Variants in NRG3 observed in about 807,000 individuals in gnomAD.
NRG3 encodes pro-neuregulin-3, membrane-bound isoform.
Under a neutral mutation model 66.9 loss-of-function variants are expected in NRG3, and 31 were observed. The observed-to-expected ratio is 0.46, with a 90% confidence interval of 0.35 to 0.63. NRG3 has a LOEUF of 0.63. NRG3 is among the 20% of genes least tolerant of loss of function. The pLI is 0.00. For synonymous variants in NRG3, 393 were observed against 359.4 expected (o/e 1.09, Z -1.06); for missense variants, 910 against 878.9 (o/e 1.04, Z -0.45).
intron 3 of NRG3, among the ~76,000 whole-genome samples, chr10:82,820,270 G>A (rs75357291): frequency 0.01 from 1,593 of 152,262 alleles, 85 homozygotes; most frequent in Admixed American, 0.076. Flanking sequence ...GAATCTCTGT[G>A]GCTCATTATT....
chr10:82,908,252 A>C (rs1453997495), intron 4 of NRG3, among the ~76,000 whole-genome samples: 2 of 152,208 alleles, frequency 1.3e-5, no homozygotes, highest in African/African-American at 4.8e-5. Flanking sequence ...AGGAAGGAAC[A>C]AGTTTGCAAC....
chr10:82,436,648 T>A (rs1471133562), intron 2 of NRG3, among the ~76,000 whole-genome samples: 1 of 152,182 alleles, frequency 6.6e-6, no homozygotes, highest in African/African-American at 2.4e-5. Flanking sequence ...TTTTACATTT[T>A]GGTGTGTTTT....
chr10:82,882,462 A>G (rs1842388132), intron 4 of NRG3, among the ~76,000 whole-genome samples: 1 of 152,200 alleles, frequency 6.6e-6, no homozygotes, highest in Non-Finnish European at 1.5e-5. Context: ...TACACCTAAC[A>G]TGCAATGGCA....
At chr10:82,925,268 C>T (rs1408696553) in intron 4 of NRG3, among the ~76,000 whole-genome samples, 1 of 152,208 alleles carries the variant, frequency 6.6e-6, no homozygotes, top group Non-Finnish European at 1.5e-5. Context: ...TGTTTCTTTT[C>T]TAGCTATGCA....
chr10:82,629,648 A>G (rs578117527), intron 2 of NRG3, among the ~76,000 whole-genome samples: 119 of 152,340 alleles, frequency 7.8e-4, no homozygotes, highest in African/African-American at 2.9e-3. Context: ...TGAGTTAAAA[A>G]TTCCTTGAGC....
intron 1 of NRG3, among the ~76,000 whole-genome samples, chr10:82,199,881 TGTGTGTGC>T (rs1443307226): frequency 2.0e-4 from 19 of 93,318 alleles, no homozygotes; most frequent in East Asian, 5.0e-4. Flanking sequence ...TGCATGTGTG[TGTGTGTGC>T]GTGTGTGTGT....
At chr10:82,683,234 C>T (rs961930288) in intron 2 of NRG3, among the ~76,000 whole-genome samples, 4 of 152,050 alleles carry the variant, frequency 2.6e-5, no homozygotes, top group African/African-American at 9.7e-5. Flanking sequence ...GGATTACAGG[C>T]GTGAGCCACT....
chr10:82,037,014 A>T (rs1264748244), intron 1 of NRG3, among the ~76,000 whole-genome samples: 1 of 152,148 alleles, frequency 6.6e-6, no homozygotes, highest in Non-Finnish European at 1.5e-5. Context: ...TATAATCACC[A>T]ACATAGTTTC....
intron 2 of NRG3, among the ~76,000 whole-genome samples, chr10:82,533,956 T>C (rs1256558925): frequency 6.6e-6 from 1 of 152,170 alleles, no homozygotes; most frequent in Non-Finnish European, 1.5e-5. Flanking sequence ...TGCATTTCTA[T>C]AGACTAACAA....
chr10:81,996,423 A>G (rs1256087753), intron 1 of NRG3, among the ~76,000 whole-genome samples: 2 of 152,218 alleles, frequency 1.3e-5, no homozygotes, highest in Non-Finnish European at 2.9e-5. Context: ...GTCACAATAT[A>G]GTAAGTTACT....
At chr10:82,027,776 T>C (rs941743936) in intron 1 of NRG3, among the ~76,000 whole-genome samples, 2 of 152,060 alleles carry the variant, frequency 1.3e-5, no homozygotes, top group African/African-American at 4.8e-5. Flanking sequence ...TGTGGGATTC[T>C]GAAAAGAGGC....
chr10:81,979,289 T>C (rs1410030183), intron 1 of NRG3, among the ~76,000 whole-genome samples: 1 of 151,926 alleles, frequency 6.6e-6, no homozygotes, highest in Non-Finnish European at 1.5e-5. Context: ...ACAGAGTCTC[T>C]ATGGGAAATA....
chr10:82,212,715 C>T (rs1193854751), intron 1 of NRG3, among the ~76,000 whole-genome samples: 1 of 152,068 alleles, frequency 6.6e-6, no homozygotes, highest in Non-Finnish European at 1.5e-5. Context: ...TTTGATCACA[C>T]AACTTTTTAT....
At chr10:82,185,692 A>G (rs2073760138) in intron 1 of NRG3, among the ~76,000 whole-genome samples, 1 of 152,222 alleles carries the variant, frequency 6.6e-6, no homozygotes, top group African/African-American at 2.4e-5. Flanking sequence ...TTAATGCAGA[A>G]GCAGAAACCT....
At chr10:82,938,031 G>A (rs894216749) in intron 4 of NRG3, among the ~76,000 whole-genome samples, 2 of 152,090 alleles carry the variant, frequency 1.3e-5, no homozygotes, top group African/African-American at 4.8e-5. Context: ...TAGCTATTCT[G>A]TATTGAAGTG....
intron 1 of NRG3, among the ~76,000 whole-genome samples, chr10:81,906,709 G>A (rs1432672759): frequency 6.6e-6 from 1 of 152,110 alleles, no homozygotes; most frequent in Non-Finnish European, 1.5e-5. Context: ...AGAAACTGCT[G>A]AGCAGGAGTG....
intron 3 of NRG3, among the ~76,000 whole-genome samples, chr10:82,856,571 CCT>C (rs948059360): frequency 6.6e-6 from 1 of 151,518 alleles, no homozygotes; most frequent in Non-Finnish European, 1.5e-5. Flanking sequence ...ATGGGAAAAC[CCT>C]GTCTCTACTA....
intron 2 of NRG3, among the ~76,000 whole-genome samples, chr10:82,594,616 C>T (rs938640934): frequency 2.6e-5 from 4 of 152,118 alleles, no homozygotes; most frequent in Non-Finnish European, 5.9e-5. Context: ...TACCATTATG[C>T]TAATCTCTTT....
intron 2 of NRG3, among the ~76,000 whole-genome samples, chr10:82,682,285 C>G (rs2054158003): frequency 6.6e-6 from 1 of 152,106 alleles, no homozygotes; most frequent in South Asian, 2.1e-4. Context: ...CCTTCCTACT[C>G]TTTGGAGCTA....
Sources: gnomAD v4.1 joint callset for allele counts (sites outside exome capture counted in the v4.1 genomes callset) on GRCh38, gnomAD v4.1.1 for gene constraint, MANE v1.5 for transcripts, NCBI Gene and HGNC (gene_info 2026-07-23, HGNC 2026-07-21) for gene names.